MEMO1: variants seen among roughly 807,000 people sequenced by gnomAD.
MEMO1 encodes mediator of cell motility 1, also known as protein MEMO1.
MEMO1 carries 6 observed loss-of-function variants against 45.2 expected under a neutral mutation model. The ratio of observed to expected loss-of-function variants is 0.13; its 90% CI spans 0.07 to 0.26. The LOEUF (loss-of-function observed/expected upper bound fraction) is 0.26, where lower values mean the gene tolerates loss of function less well. Among genes scored for constraint, MEMO1 ranks in the 10% least tolerant of loss-of-function variants. The pLI, the probability that MEMO1 is intolerant of heterozygous loss-of-function variation, is 1.00. For synonymous variants in MEMO1, 78 were observed against 124.3 expected, an observed-to-expected ratio of 0.63 and a Z score of 2.48; for missense variants, 184 against 370.5, an observed-to-expected ratio of 0.50 and a Z score of 4.13.
At chr2:31,943,137 C>T (rs540912962) in intron 3 of MEMO1, among the ~76,000 whole-genome samples, 165 bp downstream of exon 3, 3 of 152,194 alleles carry the variant, frequency 2.0e-5, no homozygotes, top group East Asian at 3.9e-4. Context: ...TGGTGGCACA[C>T]GCCTGTAGTC....
rs1272356200 is a variant in MEMO1 at position 31,943,382 on chromosome 2, T to A, written c.63A>T (p.Gly21=). Residue 21 remains glycine, a splice_region_variant and synonymous_variant, in exon 3 of 10, where the codon GGA becomes GGT. Coordinates refer to ENST00000404530, the MANE Select transcript of MEMO1 (RefSeq NM_001301833.4). ...SHAGSWYTAS[G]PQLNAQLEGW... ...CTTCTAGCTGTGCATTCAGCTGCGG[T>A]CCTATAAAAAGACAAAGACAAAATT... 6.2e-7 allele frequency: 1 copy of A among 1,612,058 alleles called. No homozygotes were observed. Among genetic ancestry groups the A allele is most frequent in the Admixed American group, 1.7e-5 (1 of 60,018 alleles).
chr2:31,891,063 T>TC (rs1676902025), intron 7 of MEMO1, among the ~76,000 whole-genome samples: 1 of 152,108 alleles, frequency 6.6e-6, no homozygotes. Context: ...ATTCTGGCAA[T>TC]CAGTGGGTAA....
intron 6 of MEMO1, among the ~76,000 whole-genome samples, chr2:31,898,558 T>C (rs1678242898): frequency 6.6e-6 from 1 of 152,224 alleles, no homozygotes; most frequent in Non-Finnish European, 1.5e-5. Flanking sequence ...AGTTCTAATT[T>C]GATTGCACTG....
chr2:31,992,582 G>A (rs559799577), intron 2 of MEMO1, among the ~76,000 whole-genome samples: 7 of 152,142 alleles, frequency 4.6e-5, no homozygotes, highest in Admixed American at 4.6e-4. Flanking sequence ...TCAGGAGTTC[G>A]AGACCAGCCT....
At chr2:31,869,275 G>A (rs1360842447) in intron 9 of MEMO1, among the ~76,000 whole-genome samples, 3 of 151,748 alleles carry the variant, frequency 2.0e-5, no homozygotes, top group Non-Finnish European at 4.4e-5. Flanking sequence ...CTTAATTAAT[G>A]TCATATTTTC....
At chr2:31,979,063 C>T (rs1482120633) in intron 2 of MEMO1, among the ~76,000 whole-genome samples, 5 of 152,122 alleles carry the variant, frequency 3.3e-5, no homozygotes, top group Non-Finnish European at 7.3e-5. Flanking sequence ...CTCACAGGTC[C>T]ACATGGCTGG....
chr2:31,955,243 A>C (rs1572799295), intron 2 of MEMO1, among the ~76,000 whole-genome samples: 1 of 152,262 alleles, frequency 6.6e-6, no homozygotes. Context: ...CACTGCCTTA[A>C]AGGAGTTTAT....
chr2:31,978,178 G>A (rs1670224241), intron 2 of MEMO1, among the ~76,000 whole-genome samples: 1 of 152,070 alleles, frequency 6.6e-6, no homozygotes, highest in Admixed American at 6.6e-5. Flanking sequence ...TTTGAGGTCA[G>A]GAGTTCGAGA....
At chr2:31,868,518 G>T (rs778081007) in intron 9 of MEMO1, 26 bp from the exon 10 acceptor site, 1 of 1,567,152 alleles carries the variant, frequency 6.4e-7, no homozygotes, top group South Asian at 1.2e-5. Context: ...ATTTGGTTAG[G>T]ACACACATCA....
In MEMO1 at chr2:31,913,518, T is replaced by G. The variant is rs932884968; in HGVS notation, c.437+4408A>C. Among the ~76,000 whole-genome samples the G allele has an allele frequency of 2.9e-4, 29 of 99,746 alleles. 1 individual carries two copies. In the East Asian group the frequency reaches 4.7e-3, roughly 16 times the overall value. 65.4% of individuals were successfully genotyped at this position (99,746 alleles called of 152,430 possible). ...ATTTGTAGCCAAAGATGATTAAGAG[T>G]TTTTTTTTTTTTTTATTTTTTGAAA... On this transcript the variant is annotated intron_variant, in intron 6 of 9. Coordinates refer to ENST00000404530, the MANE Select transcript of MEMO1 (RefSeq NM_001301833.4).
At chr2:31,971,474 C>T (rs899103053) in intron 2 of MEMO1, among the ~76,000 whole-genome samples, 2 of 152,164 alleles carry the variant, frequency 1.3e-5, no homozygotes, top group Non-Finnish European at 2.9e-5. Flanking sequence ...AAGAGATCCT[C>T]CTATTGTGGC....
chr2:31,887,036 C>T (rs929164481), intron 7 of MEMO1, among the ~76,000 whole-genome samples: 8 of 152,150 alleles, frequency 5.3e-5, no homozygotes, highest in Non-Finnish European at 1.0e-4. Flanking sequence ...AAACCTTACT[C>T]TTTGAGGGAA....
rs576290609 is a variant in MEMO1 at position 31,871,599 on chromosome 2, T to C, written c.658-1647A>G. On this transcript the variant is annotated intron_variant, in intron 8 of 9. Transcript: ENST00000404530. ...TGCACATCAATTAGCCACTCTCAGA[T>C]TGGTCCACAATCAGTTTGTAATGCT... Among the ~76,000 whole-genome samples the C allele has an allele frequency of 3.3e-5, 5 of 152,118 alleles. No individual in the cohort carries two copies. The South Asian group carries it at 1.0e-3, about 32-fold the overall frequency.
chr2:32,003,149 C>G (rs1223768254), intron 2 of MEMO1, among the ~76,000 whole-genome samples: 2 of 152,096 alleles, frequency 1.3e-5, no homozygotes, highest in Non-Finnish European at 2.9e-5. Context: ...TTCCAGCAAA[C>G]ATTTTATACT....
At chr2:31,917,762 A>C (rs1681681248) in intron 6 of MEMO1, among the ~76,000 whole-genome samples, 164 bp downstream of exon 6, 1 of 152,222 alleles carries the variant, frequency 6.6e-6, no homozygotes, top group South Asian at 2.1e-4. Flanking sequence ...TTCATAGGCA[A>C]ACTATTCAAA....
chr2:31,905,945 C>T (rs1679616679), intron 6 of MEMO1, among the ~76,000 whole-genome samples: 1 of 152,096 alleles, frequency 6.6e-6, no homozygotes, highest in African/African-American at 2.4e-5. Context: ...TGCCATCACA[C>T]CATCAAGGAG....
chr2:31,961,847 T>A (rs1036390833), intron 2 of MEMO1, among the ~76,000 whole-genome samples: 1 of 152,030 alleles, frequency 6.6e-6, no homozygotes, highest in African/African-American at 2.4e-5. Flanking sequence ...CTGTAGTTTA[T>A]AAATAAACCA....
chr2:31,962,609 A>C (rs1416916758), intron 2 of MEMO1, among the ~76,000 whole-genome samples: 1 of 152,204 alleles, frequency 6.6e-6, no homozygotes, highest in Non-Finnish European at 1.5e-5. Flanking sequence ...AAGATAATGT[A>C]ATCACTTTTA....
intron 2 of MEMO1, among the ~76,000 whole-genome samples, chr2:31,978,452 A>C (rs957516538): frequency 3.3e-5 from 5 of 152,224 alleles, no homozygotes. Context: ...GGTTCAAAAA[A>C]TGTTGGCTAT....
Sources: gnomAD v4.1 joint callset for allele counts (sites outside exome capture counted in the v4.1 genomes callset) on GRCh38, gnomAD v4.1.1 for gene constraint, MANE v1.5 for transcripts, NCBI Gene and HGNC (gene_info 2026-07-23, HGNC 2026-07-21) for gene names.